The following CACNA2D3 variants were observed in gnomAD, a reference collection of about 807,000 sequenced individuals.
CACNA2D3 encodes calcium voltage-gated channel auxiliary subunit alpha2delta 3, also known as voltage-dependent calcium channel subunit alpha-2/delta-3.
In CACNA2D3, 60 loss-of-function variants were observed where a neutral mutation model predicts 160.6. That is an observed-to-expected ratio of 0.37 (90% confidence interval 0.30 to 0.46). The LOEUF (loss-of-function observed/expected upper bound fraction) is 0.46. Ranked by LOEUF, CACNA2D3 falls within the 20% of genes least tolerant of loss-of-function variation. The probability of loss-of-function intolerance (pLI) is 1.00; values close to 1 mark genes in which losing one functional copy is unlikely to be tolerated. For missense variants in CACNA2D3, 1,205 were observed against 1,365.0 expected, an observed-to-expected ratio of 0.88 and a Z score of 1.85; for synonymous variants, 558 against 492.9, an observed-to-expected ratio of 1.13 and a Z score of -1.75.
intron 2 of CACNA2D3, among the ~76,000 whole-genome samples, chr3:54,238,747 A>G (rs1471182477): frequency 6.6e-6 from 1 of 152,192 alleles, no homozygotes; most frequent in Non-Finnish European, 1.5e-5. Flanking sequence ...CCTAAACAGA[A>G]GGCAGTTATC....
At chr3:54,402,542 G>C (rs1215095404) in intron 4 of CACNA2D3, among the ~76,000 whole-genome samples, 3 of 152,032 alleles carry the variant, frequency 2.0e-5, no homozygotes, top group Non-Finnish European at 4.4e-5. Context: ...AAGACAAATA[G>C]GGTCACTATT....
intron 27 of CACNA2D3, among the ~76,000 whole-genome samples, chr3:54,935,140 G>A (rs1701298187): frequency 6.6e-6 from 1 of 152,196 alleles, no homozygotes; most frequent in Non-Finnish European, 1.5e-5. Context: ...CCCTGACACT[G>A]TCTAACTCTC....
At chr3:54,973,462 A>G (rs1447290717) in intron 29 of CACNA2D3, among the ~76,000 whole-genome samples, 7 of 152,236 alleles carry the variant, frequency 4.6e-5, no homozygotes, top group African/African-American at 1.7e-4. Flanking sequence ...CGAAAACTTC[A>G]TGATCAAAGT....
chr3:54,544,615 C>A (rs1204838779), intron 5 of CACNA2D3, among the ~76,000 whole-genome samples: 2 of 152,072 alleles, frequency 1.3e-5, no homozygotes, highest in Non-Finnish European at 2.9e-5. Context: ...CCAGGCTGGT[C>A]TCAAACTCCT....
chr3:55,072,738 C>G (rs1353718012), intron 35 of CACNA2D3, among the ~76,000 whole-genome samples: 2 of 151,972 alleles, frequency 1.3e-5, no homozygotes, highest in Admixed American at 6.6e-5. Context: ...TTTATAGTGT[C>G]TTTCTTTGTC....
At chr3:54,559,501 C>T (rs1327102890) in intron 5 of CACNA2D3, among the ~76,000 whole-genome samples, 1 of 152,056 alleles carries the variant, frequency 6.6e-6, no homozygotes, top group Non-Finnish European at 1.5e-5. Flanking sequence ...CCATGTTGGC[C>T]AGGCTGTCCT....
At chr3:54,552,921 A>G (rs910871388) in intron 5 of CACNA2D3, among the ~76,000 whole-genome samples, 3 of 152,240 alleles carry the variant, frequency 2.0e-5, no homozygotes, top group Non-Finnish European at 4.4e-5. Flanking sequence ...TCTAATTCAC[A>G]TGAATTCTAA....
At chr3:54,378,165 C>T (rs1699041522) in intron 3 of CACNA2D3, among the ~76,000 whole-genome samples, 1 of 152,180 alleles carries the variant, frequency 6.6e-6, no homozygotes, top group Non-Finnish European at 1.5e-5. Context: ...GGTCAGCGGT[C>T]CCCAACCTTT....
intron 2 of CACNA2D3, among the ~76,000 whole-genome samples, chr3:54,310,897 G>A (rs1001860880): frequency 3.9e-5 from 6 of 152,162 alleles, no homozygotes; most frequent in Non-Finnish European, 8.8e-5. Context: ...CCTGGTGGAG[G>A]CTGATCAACT....
intron 2 of CACNA2D3, among the ~76,000 whole-genome samples, chr3:54,135,426 C>G (rs542819540): frequency 7.9e-5 from 12 of 152,334 alleles, no homozygotes; most frequent in African/African-American, 2.9e-4. Flanking sequence ...ATCCTGCAGG[C>G]ACAATGGTCT....
chr3:55,007,946 A>G (rs1440611933), intron 33 of CACNA2D3, 104 bp downstream of exon 33: 1 of 707,594 alleles, frequency 1.4e-6, no homozygotes, highest in East Asian at 3.1e-5. Context: ...TAACCATTAG[A>G]TTCCTAGTAC....
At chr3:54,673,022 A>C (rs989751373) in intron 11 of CACNA2D3, among the ~76,000 whole-genome samples, 2 of 151,754 alleles carry the variant, frequency 1.3e-5, no homozygotes, top group Non-Finnish European at 1.5e-5. Flanking sequence ...TGATGGGGTG[A>C]CTGTGTTTTA....
intron 4 of CACNA2D3, among the ~76,000 whole-genome samples, chr3:54,400,557 C>G (rs1330073516): frequency 6.6e-6 from 1 of 152,132 alleles, no homozygotes; most frequent in Non-Finnish European, 1.5e-5. Context: ...ACCAAGGACC[C>G]TGACAGCCTT....
chr3:54,469,708 A>G (rs1700694148), intron 4 of CACNA2D3, among the ~76,000 whole-genome samples: 1 of 152,114 alleles, frequency 6.6e-6, no homozygotes, highest in Non-Finnish European at 1.5e-5. Flanking sequence ...ATTGCTAACT[A>G]GACTAACCAG....
Position 55,022,682 on chromosome 3 carries a change from C to G in CACNA2D3, c.2987+4365C>G, listed in dbSNP as rs1346515396. On this transcript the variant is annotated intron_variant, in intron 35 of 37. Coordinates refer to ENST00000474759, the MANE Select transcript of CACNA2D3 (RefSeq NM_018398.3). ...CTCCTTTTCTTCGTTTCTTTCCCTT[C>G]CATTGGATTGATTGGGTTTTTCTAT... 6.5e-5 allele frequency among the ~76,000 whole-genome samples: 9 copies of G among 138,268 alleles called. No individual in the cohort carries two copies. The East Asian group carries it at 2.0e-3, about 31-fold the overall frequency. 90.7% of individuals were successfully genotyped at this position (138,268 alleles called of 152,430 possible).
chr3:54,683,477 C>T (rs569215515), intron 11 of CACNA2D3, among the ~76,000 whole-genome samples: 9 of 152,268 alleles, frequency 5.9e-5, no homozygotes, highest in African/African-American at 2.2e-4. Flanking sequence ...ACTTGTTAGC[C>T]CTGTGACAGT....
chr3:54,244,873 A>G (rs1702041639), intron 2 of CACNA2D3, among the ~76,000 whole-genome samples: 1 of 152,232 alleles, frequency 6.6e-6, no homozygotes, highest in African/African-American at 2.4e-5. Flanking sequence ...TTGTCCATGT[A>G]CCTCCTAAAA....
chr3:54,523,540 A>G (rs1369295695), intron 5 of CACNA2D3, among the ~76,000 whole-genome samples: 1 of 152,158 alleles, frequency 6.6e-6, no homozygotes, highest in Non-Finnish European at 1.5e-5. Context: ...GATTGGGCTC[A>G]TAGAACGTAT....
In CACNA2D3 at chr3:54,505,088, G is replaced by A. The variant is rs75810732; in HGVS notation, c.544+1434G>A. Among the ~76,000 whole-genome samples the A allele has an allele frequency of 7.8e-3, 1,186 of 152,212 alleles. 18 individuals carry two copies. Among genetic ancestry groups the A allele is most frequent in the African/African-American group, 0.027 (1,122 of 41,516 alleles). On this transcript the variant is annotated intron_variant, in intron 5 of 37. Coordinates refer to ENST00000474759, the MANE Select transcript of CACNA2D3 (RefSeq NM_018398.3). ...TTTTTCTTACGCGTGTTGGATATTA[G>A]GTATAGTTGGATACCTAATGTCTCT...
Sources: allele counts gnomAD v4.1 joint callset (sites outside exome capture counted in the v4.1 genomes callset), GRCh38; gene constraint gnomAD v4.1.1; transcripts MANE v1.5; gene names NCBI Gene and HGNC (gene_info 2026-07-23, HGNC 2026-07-21).